The following NAPA variants were observed in gnomAD, a reference collection of about 807,000 sequenced individuals.
NAPA encodes alpha-soluble NSF attachment protein.
In NAPA, 18 loss-of-function variants were observed where a neutral mutation model predicts 48.0. The observed-to-expected ratio is 0.38, with a 90% CI of 0.26 to 0.56. NAPA has a LOEUF of 0.56. NAPA is among the 20% of genes least tolerant of loss of function. NAPA has a pLI of 0.77. For synonymous variants in NAPA, 152 were observed against 149.9 expected, an observed-to-expected ratio of 1.01 and a Z score of -0.10; for missense variants, 315 against 385.0, an observed-to-expected ratio of 0.82 and a Z score of 1.52.
rs1968317510 is a variant in NAPA, at chr19:47,492,935, AAGCCGCCAT to A, written c.561+17_561+25del. 1.9e-6 allele frequency: 3 copies of A among 1,609,982 alleles called. No individual in the cohort carries two copies. The highest frequency in any genetic ancestry group is 2.6e-6 in the Non-Finnish European group (3 of 1,176,428). On this transcript the variant is annotated intron_variant, in intron 7 of 10. Coordinates refer to ENST00000263354, the MANE Select transcript of NAPA (RefSeq NM_003827.4). ...CAGGCCCTGAGAGGGGGCAGGGTGG[AAGCCGCCAT>A]CCCCACCTGTCCCCACCTGTTCGTA...
chr19:47,508,993 T>C (rs1968748809), intron 1 of NAPA, among the ~76,000 whole-genome samples: 1 of 152,004 alleles, frequency 6.6e-6, no homozygotes, highest in Admixed American at 6.6e-5. Context: ...AGAGGATCAC[T>C]TGAGCCCAGG....
intron 3 of NAPA, chr19:47,497,237 A>C (rs1439391085): frequency 5.8e-6 from 1 of 171,606 alleles, no homozygotes; most frequent in African/African-American, 2.4e-5. Flanking sequence ...CACCCAGGAC[A>C]CCAACCTGGC....
intron 1 of NAPA, among the ~76,000 whole-genome samples, chr19:47,508,929 AG>A (rs1010974525): frequency 2.6e-5 from 4 of 152,104 alleles, no homozygotes; most frequent in African/African-American, 9.7e-5. Flanking sequence ...ACTAAAAATT[AG>A]CCAGGCATGG....
intron 2 of NAPA, 84 bp from the exon 3 acceptor site, chr19:47,500,833 G>A: frequency 9.0e-7 from 1 of 1,105,002 alleles, no homozygotes; most frequent in Non-Finnish European, 1.3e-6. Context: ...TGGGAGGTGG[G>A]TCGGGCTCTC....
chr19:47,508,886 C>T (rs1031147877), intron 1 of NAPA, among the ~76,000 whole-genome samples: 1 of 151,964 alleles, frequency 6.6e-6, no homozygotes, highest in African/African-American at 2.4e-5. Flanking sequence ...GAGTTTGAGA[C>T]CAGCCTGGGC....
Position 47,490,840 on chromosome 19 carries a change from T to C in NAPA, c.683A>G (p.Tyr228Cys). 1 of 1,613,678 alleles carries C rather than the reference T, an allele frequency of 6.2e-7. No individual in the cohort carries two copies. The highest frequency in any genetic ancestry group is 8.5e-7 in the Non-Finnish European group (1 of 1,179,774). ...AGAGAAAGCTGGGAACAGCTCCTCA[T>C]ACTTTTGGACAGCCAGCTGGGCAGC... is the stretch of plus-strand genomic sequence containing the variant. ...MLNAKLAVQKYEELFPAFSDS... is the reference protein window; with the variant it reads ...MLNAKLAVQKCEELFPAFSDS... Residue 228 changes from tyrosine to cysteine, a missense_variant, in exon 9 of 11, where the codon TAT becomes TGT. By Grantham distance (194) the Tyr-to-Cys change is radical. Around this residue, in one of 3 missense-constraint regions of NAPA, gnomAD observed 137 missense variants for 150.1 expected, o/e 0.91. Transcript: ENST00000263354.
chr19:47,488,535 C>A, intron 10 of NAPA, 146 bp from the exon 11 acceptor site: 1 of 569,218 alleles, frequency 1.8e-6, no homozygotes, highest in East Asian at 2.9e-5. Context: ...GAGGCCCCAA[C>A]TCAGCCATGG....
At chr19:47,502,028 A>C (rs1968588637) in intron 2 of NAPA, among the ~76,000 whole-genome samples, 1 of 151,868 alleles carries the variant, frequency 6.6e-6, no homozygotes, top group South Asian at 2.1e-4. Context: ...GGATCACGAG[A>C]TCAGGAGATG....
At chr19:47,490,094 GGT>G (rs1968201273) in intron 9 of NAPA, among the ~76,000 whole-genome samples, 2 of 148,550 alleles carry the variant, frequency 1.3e-5, no homozygotes, top group Non-Finnish European at 3.0e-5. Flanking sequence ...GTTGGGGTGT[GGT>G]GTGTAGGGGC....
chr19:47,515,042 C>T lies in NAPA; in HGVS notation c.-102G>A. 1.7e-6 allele frequency: 2 copies of T among 1,181,482 alleles called. No homozygotes were observed. Among genetic ancestry groups the T allele is most frequent in the Non-Finnish European group, 2.4e-6 (2 of 838,072 alleles). 73.2% of individuals were successfully genotyped at this position (1,181,482 alleles called of 1,614,324 possible). The stretch of plus-strand genomic sequence containing the variant: ...CAGATCGGTAAAACTCGCCCGGCTG[C>T]GTTGACGTCGCACCGGCGCGCGTCG... On this transcript the variant is annotated 5_prime_UTR_variant, in exon 1 of 11. Transcript: ENST00000263354.
At chr19:47,507,041 C>G (rs898542674) in intron 1 of NAPA, 1 of 152,306 alleles carries the variant, frequency 6.6e-6, no homozygotes, top group African/African-American at 2.4e-5. Flanking sequence ...AAAGGAAAAT[C>G]TAGCTGGGCC....
intron 8 of NAPA, chr19:47,491,358 A>G: frequency 6.3e-6 from 1 of 159,330 alleles, no homozygotes; most frequent in Non-Finnish European, 1.4e-5. Context: ...ACAGCAGGGC[A>G]GGGCTCTGTG....
chr19:47,503,969 GACC>G (rs1968640744), intron 1 of NAPA, among the ~76,000 whole-genome samples: 1 of 152,196 alleles, frequency 6.6e-6, no homozygotes, highest in Admixed American at 6.5e-5. Flanking sequence ...GCTCAATAAA[GACC>G]TTGCAGCCCT....
chr19:47,503,605 A>C (rs1599912647), intron 1 of NAPA, 103 bp from the exon 2 acceptor site: 3 of 1,084,962 alleles, frequency 2.8e-6, no homozygotes, highest in Non-Finnish European at 1.4e-6. Context: ...CCTACCCCTC[A>C]CCCTTCACCT....
chr19:47,491,763 A>C (rs545823350), intron 8 of NAPA, among the ~76,000 whole-genome samples: 20 of 152,302 alleles, frequency 1.3e-4, no homozygotes, highest in African/African-American at 3.8e-4. Flanking sequence ...GAGGATTCAA[A>C]AAGTGCACCC....
At chr19:47,495,696 G>A in intron 3 of NAPA, 100 bp from the exon 4 acceptor site, 1 of 1,140,176 alleles carries the variant, frequency 8.8e-7, no homozygotes, top group Non-Finnish European at 1.3e-6. Flanking sequence ...GCTGCCAGCA[G>A]AGAGATCAAT....
intron 3 of NAPA, 32 bp from the exon 4 acceptor site, chr19:47,495,628 A>C (rs529766795): frequency 6.2e-7 from 1 of 1,610,010 alleles, no homozygotes; most frequent in East Asian, 2.2e-5. Flanking sequence ...AGGAGACATG[A>C]GAAAGTGAAG....
At chr19:47,489,830 A>C in intron 9 of NAPA, 69 bp from the exon 10 acceptor site, 1 of 1,536,564 alleles carries the variant, frequency 6.5e-7, no homozygotes, top group Non-Finnish European at 9.0e-7. Flanking sequence ...ATTAGATGAA[A>C]GGACACGCTA....
At chr19:47,494,447 A>T (rs1968362372) in intron 4 of NAPA, among the ~76,000 whole-genome samples, 2 of 152,096 alleles carry the variant, frequency 1.3e-5, no homozygotes, top group South Asian at 4.1e-4. Context: ...GGAGAGGCAA[A>T]AAGGAGCTGG....
Sources: gnomAD v4.1 joint callset for allele counts (sites outside exome capture counted in the v4.1 genomes callset) on GRCh38, gnomAD v4.1.1 for gene constraint, gnomAD v4.1.1 regional missense constraint, MANE v1.5 for transcripts, NCBI Gene and HGNC (gene_info 2026-07-23, HGNC 2026-07-21) for gene names.